The following EPB41L2 variants were observed in gnomAD, a reference collection of about 807,000 sequenced individuals.
The protein encoded by EPB41L2 is erythrocyte membrane protein band 4.1 like 2.
Under a neutral mutation model 113.0 loss-of-function variants are expected in EPB41L2, and 43 were observed. The observed-to-expected ratio is 0.38, with a 90% confidence interval of 0.30 to 0.49. The LOEUF (loss-of-function observed/expected upper bound fraction) is 0.49. Ranked by LOEUF, EPB41L2 falls within the 20% of genes least tolerant of loss-of-function variation. The pLI is 0.95. For missense variants in EPB41L2, 1,147 were observed against 1,223.4 expected (o/e 0.94, Z 0.93); for synonymous variants, 442 against 436.7 (o/e 1.01, Z -0.15).
At chr6:130,848,222 C>T (rs886081770) in intron 19 of EPB41L2, among the ~76,000 whole-genome samples, 4 of 151,056 alleles carry the variant, frequency 2.6e-5, no homozygotes, top group Non-Finnish European at 4.4e-5. Context: ...CACACACACA[C>T]ACACACACAC....
intron 14 of EPB41L2, among the ~76,000 whole-genome samples, chr6:130,873,693 T>C (rs1389321848): frequency 3.9e-5 from 6 of 152,210 alleles, no homozygotes; most frequent in Admixed American, 3.9e-4. Context: ...CTCTAACTCC[T>C]GACTTCAGGT....
chr6:130,843,026 T>TA (rs35485821), intron 19 of EPB41L2, among the ~76,000 whole-genome samples: 116,293 of 152,180 alleles, frequency 0.76, 44,991 homozygotes, highest in East Asian at 1. Context: ...AACTCTGAGT[T>TA]ATTAGATATT....
In EPB41L2 at chr6:130,840,334, C is replaced by A. The variant is rs1775085237; in HGVS notation, c.*270G>T. 1 of 152,318 alleles carries A rather than the reference C, an allele frequency of 6.6e-6. No individual in the cohort carries two copies. 9.4% of individuals were successfully genotyped at this position (152,318 alleles called of 1,614,324 possible). A position where few individuals can be genotyped will look rare whatever the true frequency, so the allele number is the denominator to read the frequency against. ...GTAAACAGAAAACAAAACCAAAACC[C>A]CTTAATTAACAACAACAAAAAGAAA... On this transcript the variant is annotated 3_prime_UTR_variant, in exon 20 of 20. Coordinates refer to ENST00000337057, the MANE Select transcript of EPB41L2 (RefSeq NM_001431.4).
chr6:131,000,733 G>GACGCCTGGATTAGGATAA (rs1720147077), intron 1 of EPB41L2: 1 of 152,256 alleles, frequency 6.6e-6, no homozygotes, highest in South Asian at 2.1e-4. Context: ...GCAATCCAAG[G>GACGCCTGGATTAGGATAA]ACGCCTGGAT....
intron 3 of EPB41L2, among the ~76,000 whole-genome samples, chr6:130,953,331 G>A (rs984978086): frequency 6.6e-6 from 1 of 152,122 alleles, no homozygotes; most frequent in Non-Finnish European, 1.5e-5. Context: ...AAGAGCAGGA[G>A]AAGAAAAGAA....
intron 1 of EPB41L2, among the ~76,000 whole-genome samples, chr6:130,973,664 T>C (rs1777461304): frequency 6.6e-6 from 1 of 152,184 alleles, no homozygotes; most frequent in South Asian, 2.1e-4. Context: ...GCATATCCGA[T>C]TGCCTCTTTT....
chr6:130,954,300 G>A (rs369261516), intron 3 of EPB41L2, among the ~76,000 whole-genome samples: 2 of 151,840 alleles, frequency 1.3e-5, no homozygotes, highest in Admixed American at 6.6e-5. Context: ...TGATCCGCCC[G>A]CCTTGGCCTC....
intron 19 of EPB41L2, among the ~76,000 whole-genome samples, chr6:130,842,206 T>G (rs948038771): frequency 6.6e-6 from 1 of 152,220 alleles, no homozygotes; most frequent in Non-Finnish European, 1.5e-5. Flanking sequence ...CAGGACAGAT[T>G]GATTAATCAA....
intron 1 of EPB41L2, among the ~76,000 whole-genome samples, chr6:130,994,409 G>A (rs184345346): frequency 1.3e-5 from 2 of 152,272 alleles, no homozygotes; most frequent in Admixed American, 1.3e-4. Context: ...GGGCAGGGCA[G>A]AGTGTGTCCT....
rs77538813 is a variant in EPB41L2, at chr6:130,863,820, T to C, written c.2830-102A>G. The C allele has an allele frequency of 2.9e-3, 2,046 of 697,808 alleles. 39 individuals carry two copies. In the African/African-American group the frequency reaches 0.032, roughly 11 times the overall value. The allele number at this position is 697,808 out of a possible 1,614,324, so 43.2% of individuals were successfully genotyped here. The stretch of plus-strand genomic sequence containing the variant: ...GGAGTCCACCTAGACCTGTGGATCA[T>C]TGTAAGGCCACACACAACAAGCAGC... On this transcript the variant is annotated intron_variant, in intron 17 of 19. Transcript: ENST00000337057.
At chr6:130,897,658 A>AT (rs966641859) in intron 8 of EPB41L2, among the ~76,000 whole-genome samples, 3 of 152,100 alleles carry the variant, frequency 2.0e-5, no homozygotes, top group East Asian at 1.9e-4. Flanking sequence ...TCTCAAACAT[A>AT]TTTTTTCCTT....
chr6:130,965,984 T>C (rs1775044557), intron 1 of EPB41L2, among the ~76,000 whole-genome samples: 1 of 151,938 alleles, frequency 6.6e-6, no homozygotes, highest in East Asian at 1.9e-4. Flanking sequence ...AAGAAGAATG[T>C]CTTGGGCCAC....
At chr6:131,053,839 T>C (rs950090162) in intron 1 of EPB41L2, among the ~76,000 whole-genome samples, 1 of 152,264 alleles carries the variant, frequency 6.6e-6, no homozygotes, top group Non-Finnish European at 1.5e-5. Context: ...TCTCCCTTTT[T>C]GTTTTTTAAT....
Position 130,867,490 on chromosome 6 carries a change from T to A in EPB41L2, c.2699A>T (p.Glu900Val). 6.2e-7 allele frequency: 1 copy of A among 1,614,040 alleles called. No individual in the cohort carries two copies. The highest frequency in any genetic ancestry group is 8.5e-7 in the Non-Finnish European group (1 of 1,179,902). The stretch of plus-strand genomic sequence containing the variant: ...AGACTCATATGTGATGGTTTTGGTC[T>A]CAGTTTGGACAATGGGGACTTCCTT... ...STKEVPIVQT[E>V]TKTITYESPQ... The change falls in exon 16 of 20, where the codon GAG (glutamate) becomes GTG (valine). Residue 900 changes from glutamate to valine, a missense_variant. Glu to Val is a moderately radical substitution (Grantham distance 121). Transcript: ENST00000337057.
At position 130,890,476 on chromosome 6, in the gene EPB41L2, GAAAA is replaced by G. The variant is rs78924534; in HGVS notation, c.1488-14_1488-11del. On this transcript the variant is annotated splice_polypyrimidine_tract_variant and intron_variant, in intron 10 of 19. Coordinates refer to ENST00000337057, the MANE Select transcript of EPB41L2 (RefSeq NM_001431.4). The stretch of plus-strand genomic sequence containing the variant: ...CTCTGGAGAAACAAGCCTATGGGAG[GAAAA>G]AAAAAAAAAAAGAGAGAGAGAAAGG... The G allele has an allele frequency of 6.3e-4, 846 of 1,339,492 alleles. No homozygotes were observed. Among genetic ancestry groups the G allele is most frequent in the South Asian group, 2.0e-3 (135 of 68,130 alleles). 83.0% of individuals were successfully genotyped at this position (1,339,492 alleles called of 1,614,324 possible).
chr6:130,898,567 G>A (rs1028573370), intron 8 of EPB41L2, among the ~76,000 whole-genome samples: 5 of 152,150 alleles, frequency 3.3e-5, no homozygotes, highest in Non-Finnish European at 5.9e-5. Context: ...TGATGTAAGT[G>A]ATATTGTTAC....
chr6:130,844,020 G>A (rs1282597801), intron 19 of EPB41L2, among the ~76,000 whole-genome samples: 1 of 152,146 alleles, frequency 6.6e-6, no homozygotes, highest in Non-Finnish European at 1.5e-5. Flanking sequence ...AATCTTGAGT[G>A]CTCTACTCCA....
chr6:130,875,453 T>G (rs1787205524), intron 14 of EPB41L2, among the ~76,000 whole-genome samples: 1 of 152,172 alleles, frequency 6.6e-6, no homozygotes, highest in Non-Finnish European at 1.5e-5. Flanking sequence ...TTTTCCTTCC[T>G]TCGTGCTCCC....
intron 1 of EPB41L2, among the ~76,000 whole-genome samples, chr6:130,963,556 A>G (rs1165448225): frequency 6.6e-6 from 1 of 152,206 alleles, no homozygotes; most frequent in Non-Finnish European, 1.5e-5. Context: ...ACTAAGGCAT[A>G]ATTTTCAATA....
Sources: allele counts gnomAD v4.1 joint callset (sites outside exome capture counted in the v4.1 genomes callset), GRCh38; gene constraint gnomAD v4.1.1; transcripts MANE v1.5; gene names NCBI Gene and HGNC (gene_info 2026-07-23, HGNC 2026-07-21).